Variants in MTMR12 observed in about 807,000 individuals in gnomAD.
The protein encoded by MTMR12 is myotubularin related protein 12.
A neutral mutation model predicts 96.7 loss-of-function variants in MTMR12; 33 were observed. That is an observed-to-expected ratio of 0.34 (90% CI 0.26 to 0.46). MTMR12 has a LOEUF of 0.46. Ranked by LOEUF, MTMR12 falls within the 20% of genes least tolerant of loss-of-function variation. MTMR12 has a pLI of 1.00. For missense variants in MTMR12, 721 were observed against 896.1 expected, an observed-to-expected ratio of 0.80 and a Z score of 2.49; for synonymous variants, 298 against 327.2, an observed-to-expected ratio of 0.91 and a Z score of 0.96.
intron 1 of MTMR12, among the ~76,000 whole-genome samples, chr5:32,296,155 T>C (rs983536429): frequency 6.6e-6 from 1 of 150,800 alleles, no homozygotes; most frequent in Non-Finnish European, 1.5e-5. Flanking sequence ...CAAGACTCTG[T>C]CTCAAAAAAA....
chr5:32,256,649 T>C (rs1261208609), intron 7 of MTMR12, among the ~76,000 whole-genome samples: 1 of 152,262 alleles, frequency 6.6e-6, no homozygotes, highest in Non-Finnish European at 1.5e-5. Context: ...TCTGTAAGCA[T>C]CTTTCCCTCA....
At chr5:32,287,302 C>T (rs1476916917) in intron 1 of MTMR12, among the ~76,000 whole-genome samples, 1 of 152,148 alleles carries the variant, frequency 6.6e-6, no homozygotes, top group African/African-American at 2.4e-5. Context: ...GTGGACCAAT[C>T]TAATCAGCTA....
At chr5:32,242,282 C>T (rs891221527) in intron 11 of MTMR12, among the ~76,000 whole-genome samples, 155 bp from the exon 12 acceptor site, 1 of 151,908 alleles carries the variant, frequency 6.6e-6, no homozygotes, top group African/African-American at 2.4e-5. Flanking sequence ...AACGAACTTC[C>T]ATTTACATTA....
In MTMR12 at chr5:32,236,847, A is replaced by AAAAAG. The variant is rs542318193; in HGVS notation, c.1345-1723_1345-1719dup. Reference sequence around the variant, plus strand: ...AGCGAAACTCCTTCTCCAAAAAAAAAAAAAGAAAAGAAAAGAAAAGAAAAA... The same window carrying AAAAAG: ...AGCGAAACTCCTTCTCCAAAAAAAAAAAAAGAAAAGAAAAGAAAAGAAAAGAAAAA... On this transcript the variant is annotated intron_variant, in intron 13 of 15. Transcript: ENST00000382142. 1.5e-4 allele frequency among the ~76,000 whole-genome samples: 23 copies of AAAAAG among 151,732 alleles called. No homozygotes were observed. The South Asian group carries it at 2.1e-3, about 14-fold the overall frequency.
rs1273577593 is a variant in MTMR12 at position 32,227,683 on chromosome 5, G to A, written c.*2095C>T. On this transcript the variant is annotated 3_prime_UTR_variant, in exon 16 of 16. Coordinates refer to ENST00000382142, the MANE Select transcript of MTMR12 (RefSeq NM_001040446.3). ...AGCATATTTGGGAGGCAATGGGGCAGAGAAGGAAGTGGAGGTTAGTGCTAA... is the reference window on the plus strand; with the variant it reads ...AGCATATTTGGGAGGCAATGGGGCAAAGAAGGAAGTGGAGGTTAGTGCTAA... 1 of 152,642 alleles carries A rather than the reference G, an allele frequency of 6.6e-6. No homozygotes were observed. The highest frequency in any genetic ancestry group is 6.5e-5 in the Admixed American group (1 of 15,276). 9.5% of individuals were successfully genotyped at this position (152,642 alleles called of 1,614,324 possible).
chr5:32,249,857 G>A (rs577132567), intron 8 of MTMR12, among the ~76,000 whole-genome samples: 23 of 152,334 alleles, frequency 1.5e-4, no homozygotes, highest in Admixed American at 6.5e-4. Context: ...CTGGTTGGAC[G>A]GGTGAGTACA....
chr5:32,248,552 G>C (rs1177595217), intron 9 of MTMR12, among the ~76,000 whole-genome samples: 1 of 152,080 alleles, frequency 6.6e-6, no homozygotes, highest in Non-Finnish European at 1.5e-5. Context: ...CCCCACTGAA[G>C]ACTTTAGCGT....
In MTMR12 at chr5:32,297,080, G is replaced by A. The variant is rs547587343; in HGVS notation, c.81+15678C>T. 1.2e-4 allele frequency among the ~76,000 whole-genome samples: 18 copies of A among 150,942 alleles called. 1 individual carries two copies. In the South Asian group the frequency reaches 2.9e-3, roughly 25 times the overall value. On this transcript the variant is annotated intron_variant, in intron 1 of 15. Transcript: ENST00000382142. ...ATCGCGCCACTGCACTCCAGCCTGG[G>A]TGACAGAGCGAGACTCCGTCTAAAA...
intron 2 of MTMR12, among the ~76,000 whole-genome samples, chr5:32,274,749 T>C (rs1749984616): frequency 6.6e-6 from 1 of 152,178 alleles, no homozygotes; most frequent in South Asian, 2.1e-4. Context: ...ACGTGTTTCC[T>C]CTCTTTCTTA....
chr5:32,229,998 T>C lies in MTMR12; in HGVS notation c.2024A>G (p.Gln675Arg). The change falls in exon 16 of 16, where the codon CAA becomes CGA. Residue 675 changes from glutamine (Q) to arginine (R), a missense_variant. Coordinates refer to ENST00000382142, the MANE Select transcript of MTMR12 (RefSeq NM_001040446.3). ...GTGGTGTCTCTCGTCGATCTTCTCT[T>C]GTAAACTCTGGACTTCCTCCATCAT... ...LEMMEEVQSL[Q>R]EKIDERHHSQ... 6.2e-7 allele frequency: 1 copy of C among 1,613,250 alleles called. No homozygotes were observed. Among genetic ancestry groups the C allele is most frequent in the Non-Finnish European group, 8.5e-7 (1 of 1,179,260 alleles).
chr5:32,238,103 C>T (rs1581590224), intron 13 of MTMR12, among the ~76,000 whole-genome samples: 1 of 135,320 alleles, frequency 7.4e-6, no homozygotes, highest in African/African-American at 2.8e-5. Context: ...GAGACTGCAC[C>T]ACTGCACTCT....
At chr5:32,232,287 T>C (rs747322761) in intron 15 of MTMR12, among the ~76,000 whole-genome samples, 2 of 152,224 alleles carry the variant, frequency 1.3e-5, no homozygotes, top group African/African-American at 2.4e-5. Flanking sequence ...CTCCACCTGA[T>C]ATCTGGTCTT....
chr5:32,289,252 CTACTTAATT>C (rs1750656033), intron 1 of MTMR12, among the ~76,000 whole-genome samples: 1 of 152,306 alleles, frequency 6.6e-6, no homozygotes, highest in Admixed American at 6.5e-5. Flanking sequence ...TACTGCATTC[CTACTTAATT>C]TATATAAACA....
intron 7 of MTMR12, among the ~76,000 whole-genome samples, chr5:32,257,006 G>A (rs1749164689): frequency 6.6e-6 from 1 of 152,206 alleles, no homozygotes; most frequent in African/African-American, 2.4e-5. Context: ...AGACACGGCT[G>A]GACGCAGTGG....
In MTMR12 at chr5:32,242,002, T is replaced by C. The variant is rs139456904; in HGVS notation, c.1171+55A>G. ...ATACATAAAGCTACATATACAAAAA[T>C]TGAATCTCAAGTGAAGGAAAATGGA... On this transcript the variant is annotated intron_variant, in intron 12 of 15. Coordinates refer to ENST00000382142, the MANE Select transcript of MTMR12 (RefSeq NM_001040446.3). The C allele has an allele frequency of 3.3e-4, 481 of 1,451,702 alleles. 4 individuals carry two copies. In the African/African-American group the frequency reaches 5.1e-3, roughly 15 times the overall value. 89.9% of individuals were successfully genotyped at this position (1,451,702 alleles called of 1,614,324 possible).
chr5:32,227,524 A>T lies in MTMR12; in HGVS notation c.*2254T>A, dbSNP rs897483804. Reference sequence around the variant, plus strand: ...TTCAACTGCTATGACAAAGGCCATGACCTTGTGCCTTTAAACCATACTTTG... The same window carrying T: ...TTCAACTGCTATGACAAAGGCCATGTCCTTGTGCCTTTAAACCATACTTTG... On this transcript the variant is annotated 3_prime_UTR_variant, in exon 16 of 16. Coordinates refer to ENST00000382142, the MANE Select transcript of MTMR12 (RefSeq NM_001040446.3). The T allele has an allele frequency of 1.1e-4, 17 of 152,614 alleles. No individual in the cohort carries two copies. Among genetic ancestry groups the T allele is most frequent in the African/African-American group, 4.1e-4 (17 of 41,446 alleles). 9.5% of individuals were successfully genotyped at this position (152,614 alleles called of 1,614,324 possible).
intron 8 of MTMR12, among the ~76,000 whole-genome samples, chr5:32,251,964 C>T (rs1018554327): frequency 2.6e-5 from 4 of 152,178 alleles, no homozygotes; most frequent in South Asian, 4.1e-4. Context: ...AACCTGTTCA[C>T]GCAGAGAACA....
intron 1 of MTMR12, among the ~76,000 whole-genome samples, chr5:32,278,852 C>T (rs1015427990): frequency 4.0e-5 from 6 of 148,664 alleles, no homozygotes; most frequent in African/African-American, 1.5e-4. Flanking sequence ...CCGAGGTGGA[C>T]GGATCACCTG....
intron 3 of MTMR12, among the ~76,000 whole-genome samples, chr5:32,273,293 C>T (rs1749911417): frequency 2.6e-5 from 4 of 152,142 alleles, no homozygotes; most frequent in Admixed American, 2.0e-4. Context: ...CCTAGCTACT[C>T]AGGAGGCTGA....
Sources: allele counts gnomAD v4.1 joint callset (sites outside exome capture counted in the v4.1 genomes callset), GRCh38; gene constraint gnomAD v4.1.1; transcripts MANE v1.5; gene names NCBI Gene and HGNC (gene_info 2026-07-23, HGNC 2026-07-21).